The following SRPK2 variants were observed in gnomAD, a reference collection of about 807,000 sequenced individuals.
SRPK2 encodes the protein SFRS protein kinase 2.
A neutral mutation model predicts 90.8 loss-of-function variants in SRPK2; 21 were observed. The observed-to-expected ratio is 0.23, with a 90% confidence interval of 0.16 to 0.33. SRPK2 has a LOEUF of 0.33. SRPK2 is among the 10% of genes least tolerant of loss of function. The pLI is 1.00. For synonymous variants in SRPK2, 288 were observed against 311.1 expected, an observed-to-expected ratio of 0.93 and a Z score of 0.78; for missense variants, 620 against 869.0, an observed-to-expected ratio of 0.71 and a Z score of 3.60.
rs1791534994 is a variant in SRPK2 at position 105,174,176 on chromosome 7, T to TA, written c.230-4912dup. Reference sequence around the variant, plus strand: ...TTAAATTCATTGCTCTGGTTTCTTCTACTTCCATGCCTCTAGCACAGCCAA... The same window carrying TA: ...TTAAATTCATTGCTCTGGTTTCTTCTAACTTCCATGCCTCTAGCACAGCCAA... On this transcript the variant is annotated intron_variant, in intron 3 of 15. Transcript: ENST00000393651. 2.0e-5 allele frequency among the ~76,000 whole-genome samples: 3 copies of TA among 152,114 alleles called. No individual in the cohort carries two copies. The South Asian group carries it at 6.2e-4, about 31-fold the overall frequency.
intron 2 of SRPK2, 129 bp downstream of exon 2, chr7:105,388,519 G>C: frequency 1.6e-6 from 1 of 608,650 alleles, no homozygotes; most frequent in South Asian, 5.9e-5. Flanking sequence ...GGCAGGAGCC[G>C]AGCGCCAGCG....
At chr7:105,247,155 ACTTT>A (rs1265388353) in intron 2 of SRPK2, among the ~76,000 whole-genome samples, 3 of 152,116 alleles carry the variant, frequency 2.0e-5, no homozygotes, top group African/African-American at 7.2e-5. Flanking sequence ...ATAGTAACAA[ACTTT>A]CTTACATTTA....
chr7:105,386,664 C>T (rs1370215425), intron 2 of SRPK2, among the ~76,000 whole-genome samples: 1 of 152,178 alleles, frequency 6.6e-6, no homozygotes. Flanking sequence ...TTGCAGTGAG[C>T]CAAGATTGGG....
chr7:105,177,409 TA>T (rs1792113571), intron 3 of SRPK2, among the ~76,000 whole-genome samples: 2 of 152,176 alleles, frequency 1.3e-5, no homozygotes, highest in African/African-American at 4.8e-5. Flanking sequence ...AAGAAAATCT[TA>T]AAACCTTAGC....
chr7:105,287,309 C>T (rs1808273695), intron 2 of SRPK2, among the ~76,000 whole-genome samples: 1 of 145,366 alleles, frequency 6.9e-6, no homozygotes, highest in South Asian at 2.2e-4. Flanking sequence ...AGAAGATCCA[C>T]ATGTACTGAT....
At chr7:105,248,001 T>C (rs1235779760) in intron 2 of SRPK2, among the ~76,000 whole-genome samples, 1 of 151,814 alleles carries the variant, frequency 6.6e-6, no homozygotes, top group Non-Finnish European at 1.5e-5. Flanking sequence ...ATTACAGGCA[T>C]GCACCACCAC....
chr7:105,351,817 A>AAAGAAG (rs371837953), intron 2 of SRPK2, among the ~76,000 whole-genome samples: 1 of 147,332 alleles, frequency 6.8e-6, no homozygotes, highest in Non-Finnish European at 1.5e-5. Flanking sequence ...AAAAAAAAAA[A>AAAGAAG]AAGAAGAAGA....
intron 2 of SRPK2, among the ~76,000 whole-genome samples, chr7:105,206,735 T>C (rs1326202103): frequency 2.6e-5 from 4 of 152,218 alleles, no homozygotes; most frequent in East Asian, 1.9e-4. Context: ...ACATGTTAGA[T>C]TGCCAAGACT....
chr7:105,337,790 T>A (rs1366311496), intron 2 of SRPK2, among the ~76,000 whole-genome samples: 2 of 152,188 alleles, frequency 1.3e-5, no homozygotes, highest in African/African-American at 4.8e-5. Context: ...GAGAAAGAAA[T>A]GTCTGTTGTT....
At chr7:105,125,547 CT>C (rs577866721) in intron 15 of SRPK2, among the ~76,000 whole-genome samples, 44 of 152,260 alleles carry the variant, frequency 2.9e-4, no homozygotes, top group Non-Finnish European at 5.4e-4. Context: ...AGATTGGTAA[CT>C]TGGAGTAAAA....
rs1217557836 is a variant in SRPK2 at position 105,210,494 on chromosome 7, G to A, written c.72-6709C>T. On this transcript the variant is annotated intron_variant, in intron 2 of 15. Coordinates refer to ENST00000393651, the MANE Select transcript of SRPK2 (RefSeq NM_182692.3). ...TGAGTATCCCTCATTCAAAATACTTGGGACCAGATAATGTTTCGAACTTCA... is the reference window on the plus strand; with the variant it reads ...TGAGTATCCCTCATTCAAAATACTTAGGACCAGATAATGTTTCGAACTTCA... Among the ~76,000 whole-genome samples, 6 of 152,046 alleles carry A rather than the reference G, an allele frequency of 3.9e-5. 1 individual carries two copies. Among genetic ancestry groups the A allele is most frequent in the African/African-American group, 7.3e-5 (3 of 41,356 alleles).
chr7:105,284,626 A>G lies in SRPK2; in HGVS notation c.72-80841T>C, dbSNP rs543805714. Among the ~76,000 whole-genome samples, 3 of 152,298 alleles carry G rather than the reference A, an allele frequency of 2.0e-5. No individual in the cohort carries two copies. In the South Asian group the frequency reaches 6.2e-4, roughly 32 times the overall value. On this transcript the variant is annotated intron_variant, in intron 2 of 15. Coordinates refer to ENST00000393651, the MANE Select transcript of SRPK2 (RefSeq NM_182692.3). Reference sequence around the variant, plus strand: ...TTATAAGGCTTGTCAATTCACCACAATTCATTTTGTGTCTGTACTCCCACA... The same window carrying G: ...TTATAAGGCTTGTCAATTCACCACAGTTCATTTTGTGTCTGTACTCCCACA...
At chr7:105,126,424 A>G in intron 14 of SRPK2, 84 bp from the exon 15 acceptor site, 1 of 1,031,942 alleles carries the variant, frequency 9.7e-7, no homozygotes. Context: ...AATTGAAATT[A>G]GTAAAAAATC....
At chr7:105,199,735 A>G (rs1328446524) in intron 3 of SRPK2, among the ~76,000 whole-genome samples, 1 of 152,172 alleles carries the variant, frequency 6.6e-6, no homozygotes, top group Non-Finnish European at 1.5e-5. Flanking sequence ...AAACTCATGG[A>G]TTTCAAAACA....
chr7:105,297,277 G>T, intron 2 of SRPK2: 1 of 188,542 alleles, frequency 5.3e-6, no homozygotes, highest in Non-Finnish European at 9.9e-6. Context: ...AAGACCTTTA[G>T]TTTTACATGG....
intron 2 of SRPK2, among the ~76,000 whole-genome samples, chr7:105,272,046 G>A (rs926879740): frequency 6.6e-6 from 1 of 152,012 alleles, no homozygotes; most frequent in African/African-American, 2.4e-5. Context: ...TACATTAATT[G>A]ATATAGAGAT....
At chr7:105,130,360 A>G (rs995182335) in intron 13 of SRPK2, among the ~76,000 whole-genome samples, 2 of 152,158 alleles carry the variant, frequency 1.3e-5, no homozygotes, top group Non-Finnish European at 2.9e-5. Flanking sequence ...AGACCAGCCT[A>G]GACAACGTGA....
chr7:105,203,838 T>C (rs1795869672), intron 2 of SRPK2, 53 bp from the exon 3 acceptor site: 2 of 1,544,894 alleles, frequency 1.3e-6, no homozygotes, highest in Middle Eastern at 1.7e-4. Flanking sequence ...TCTTGCATTA[T>C]GGATGCATTT....
chr7:105,347,163 A>G (rs975369846), intron 2 of SRPK2, among the ~76,000 whole-genome samples: 1 of 151,838 alleles, frequency 6.6e-6, no homozygotes, highest in African/African-American at 2.4e-5. Flanking sequence ...GGCTCAAGCA[A>G]TCCTCCCACC....
Sources: allele counts gnomAD v4.1 joint callset (sites outside exome capture counted in the v4.1 genomes callset), GRCh38; gene constraint gnomAD v4.1.1; transcripts MANE v1.5; gene names NCBI Gene and HGNC (gene_info 2026-07-23, HGNC 2026-07-21).